The following YWHAH variants were observed in gnomAD, a reference collection of about 807,000 sequenced individuals.
YWHAH encodes tyrosine 3-monooxygenase/tryptophan 5-monooxygenase activation protein eta.
In YWHAH, 6 loss-of-function variants were observed where a neutral mutation model predicts 22.9. The ratio of observed to expected loss-of-function variants is 0.26; its 90% confidence interval spans 0.14 to 0.52. The LOEUF (loss-of-function observed/expected upper bound fraction) is 0.52. Ranked by LOEUF, YWHAH falls within the 20% of genes least tolerant of loss-of-function variation. The probability of loss-of-function intolerance (pLI) is 0.97; values close to 1 mark genes in which losing one functional copy is unlikely to be tolerated. For synonymous variants in YWHAH, 135 were observed against 124.5 expected, an observed-to-expected ratio of 1.08 and a Z score of -0.56; for missense variants, 173 against 308.6, an observed-to-expected ratio of 0.56 and a Z score of 3.29.
chr22:31,947,279 T>C (rs2093836311), intron 1 of YWHAH: 1 of 393,576 alleles, frequency 2.5e-6, no homozygotes, highest in Non-Finnish European at 5.2e-6. Context: ...ATGCCACCAG[T>C]CTGTAACCTT....
At chr22:31,954,256 GCTTT>G (rs2093846814) in intron 1 of YWHAH, among the ~76,000 whole-genome samples, 1 of 151,884 alleles carries the variant, frequency 6.6e-6, no homozygotes, top group South Asian at 2.1e-4. Flanking sequence ...TAAGTGCTTT[GCTTT>G]CTTTTTTTTC....
At chr22:31,944,956 C>A in intron 1 of YWHAH, 136 bp downstream of exon 1, 4 of 1,113,374 alleles carry the variant, frequency 3.6e-6, no homozygotes, top group Non-Finnish European at 4.4e-6. Context: ...CCCGCCCGCC[C>A]TTAGCCCGCG....
intron 1 of YWHAH, among the ~76,000 whole-genome samples, chr22:31,953,838 T>A (rs56672849): frequency 1.3e-5 from 2 of 151,532 alleles, no homozygotes; most frequent in African/African-American, 4.9e-5. Context: ...GGAGAGACTT[T>A]GCCTGTGTTA....
chr22:31,945,765 C>CCAGGTCTCAGGAGGT, intron 1 of YWHAH: 1 of 1,087,506 alleles, frequency 9.2e-7, no homozygotes, highest in Non-Finnish European at 1.2e-6. Context: ...GTACAACCTC[C>CCAGGTCTCAGGAGGT]TGAGACCTGG....
intron 1 of YWHAH, among the ~76,000 whole-genome samples, chr22:31,955,016 G>A (rs546206356): frequency 1.3e-4 from 20 of 152,282 alleles, no homozygotes; most frequent in African/African-American, 4.6e-4. Context: ...GGAGAACTAA[G>A]GGAAGTTAAA....
rs974875760 is a variant in YWHAH, at chr22:31,949,369, C to T, written c.87+4549C>T. 4.7e-4 allele frequency among the ~76,000 whole-genome samples: 71 copies of T among 152,026 alleles called. 1 individual carries two copies. The highest frequency in any genetic ancestry group is 1.7e-3 in the African/African-American group (70 of 41,382). ...ATGTTGGTCAGGCTGGTCTTGAACA[C>T]CCGACCTCAGGTTATCCACCTGCCT... On this transcript the variant is annotated intron_variant, in intron 1 of 1. Transcript: ENST00000248975.
Position 31,944,683 on chromosome 22 carries a change from G to T in YWHAH, c.-51G>T, listed in dbSNP as rs1259887031. On this transcript the variant is annotated 5_prime_UTR_variant, in exon 1 of 2. Transcript: ENST00000248975. ...GGGGAGCGGACTGACCGGCGGGAGG[G>T]CTAGCGAGCCAGCGGTGTGAGGCGC... 5 of 1,283,910 alleles carry T rather than the reference G, an allele frequency of 3.9e-6. No individual in the cohort carries two copies. The Admixed American group carries it at 1.6e-4, about 40-fold the overall frequency. 79.5% of individuals were successfully genotyped at this position (1,283,910 alleles called of 1,614,324 possible). A position where few individuals can be genotyped will look rare whatever the true frequency, so the allele number is the denominator to read the frequency against.
In YWHAH at chr22:31,956,588, C is replaced by T. The variant is rs1603056150; in HGVS notation, c.537C>T (p.Phe179=). 1 of 1,614,172 alleles carries T rather than the reference C, an allele frequency of 6.2e-7. No homozygotes were observed. The highest frequency in any genetic ancestry group is 1.3e-5 in the African/African-American group (1 of 75,058). Residue 179 remains phenylalanine, a synonymous_variant, in exon 2 of 2, where the codon TTC becomes TTT. Transcript: ENST00000248975. The surrounding 1 kb of genome is among the most constrained non-coding windows in gnomAD (Gnocchi z 5.1). ...HPIRLGLALN[F]SVFYYEIQNA... is the part of the protein sequence containing the mutation. ...TCCGGCTGGGCCTGGCCCTCAACTT[C>T]TCCGTGTTCTACTATGAGATCCAGA...
chr22:31,946,894 G>A (rs186179166), intron 1 of YWHAH, among the ~76,000 whole-genome samples: 55 of 152,268 alleles, frequency 3.6e-4, no homozygotes, highest in Admixed American at 6.5e-4. Context: ...GCCACCCAGC[G>A]TAGAAGAGTC....
chr22:31,944,744 G>T lies in YWHAH; in HGVS notation c.11G>T (p.Arg4Leu). The change falls in exon 1 of 2, where the codon CGG (arginine) becomes CTG (leucine). Residue 4 changes from arginine (R) to leucine (L), a missense_variant. By Grantham distance (102) the Arg-to-Leu change is moderately radical. Coordinates refer to ENST00000248975, the MANE Select transcript of YWHAH (RefSeq NM_003405.4). Reference protein sequence around the residue: MGDREQLLQRARLA... With the variant: MGDLEQLLQRARLA... ...CGAGCCGCGAGCGACATGGGGGACC[G>T]GGAGCAGCTGCTGCAGCGGGCGCGG... 7.1e-7 allele frequency: 1 copy of T among 1,413,570 alleles called. No homozygotes were observed. Among genetic ancestry groups the T allele is most frequent in the Non-Finnish European group, 9.3e-7 (1 of 1,077,124 alleles). 87.6% of individuals were successfully genotyped at this position (1,413,570 alleles called of 1,614,324 possible). A position where few individuals can be genotyped will look rare whatever the true frequency, so the allele number is the denominator to read the frequency against.
Position 31,956,756 on chromosome 22 carries a change from C to T in YWHAH, c.705C>T (p.Ser235=), listed in dbSNP as rs377641891. 22 of 1,609,034 alleles carry T rather than the reference C, an allele frequency of 1.4e-5. No homozygotes were observed. Among genetic ancestry groups the T allele is most frequent in the East Asian group, 1.3e-4 (6 of 44,676 alleles). Residue 235 remains serine, a synonymous_variant, in exon 2 of 2, where the codon AGC becomes AGT. Transcript: ENST00000248975. This position sits in a 1 kb window ranked among gnomAD's most constrained non-coding sequence, Gnocchi z 5.1. ...LLRDNLTLWT[S]DQQDEEAGEG... is the part of the protein sequence containing the mutation. ...GAGACAACCTCACCCTCTGGACGAG[C>T]GACCAGCAGGATGAAGAAGCAGGAG...
chr22:31,944,867 T>C, intron 1 of YWHAH, 47 bp downstream of exon 1: 7 of 1,291,144 alleles, frequency 5.4e-6, no homozygotes, highest in Non-Finnish European at 6.9e-6. Context: ...GGGCCTGGCG[T>C]TGGGGAGGGA....
At chr22:31,950,076 CTTTTTTTTTTTTTTTTTTTTTT>C (rs557406783) in intron 1 of YWHAH, among the ~76,000 whole-genome samples, 11 of 42,192 alleles carry the variant, frequency 2.6e-4, no homozygotes, top group South Asian at 1.1e-3. Context: ...GCTTGGAGGC[CTTTTTTTTTTTTTTTTTTTTTT>C]TTTTTTTTTT....
chr22:31,946,619 G>T (rs2093835138), intron 1 of YWHAH, among the ~76,000 whole-genome samples: 1 of 152,144 alleles, frequency 6.6e-6, no homozygotes, highest in African/African-American at 2.4e-5. Context: ...GGAGGTTAAG[G>T]AAAAATGGCT....
At chr22:31,951,697 T>C (rs952365194) in intron 1 of YWHAH, among the ~76,000 whole-genome samples, 6 of 152,068 alleles carry the variant, frequency 3.9e-5, no homozygotes, top group Non-Finnish European at 5.9e-5. Context: ...GGCCAGGTCA[T>C]TTTTGACATT....
intron 1 of YWHAH, chr22:31,945,686 A>G: frequency 2.5e-6 from 3 of 1,201,854 alleles, no homozygotes; most frequent in Non-Finnish European, 3.2e-6. Context: ...TCTGTAAATG[A>G]ATATTTCCTC....
chr22:31,945,808 A>G, intron 1 of YWHAH: 1 of 676,206 alleles, frequency 1.5e-6, no homozygotes, highest in South Asian at 2.7e-5. Context: ...TTAGACCTAT[A>G]CATTCAGAAA....
At chr22:31,949,291 CACCAT>C (rs2093839644) in intron 1 of YWHAH, among the ~76,000 whole-genome samples, 2 of 151,694 alleles carry the variant, frequency 1.3e-5, no homozygotes, top group Non-Finnish European at 2.9e-5. Flanking sequence ...AGGCATGCAC[CACCAT>C]GCCATGCCCG....
chr22:31,956,843 C>A lies in YWHAH; in HGVS notation c.*51C>A. On this transcript the variant is annotated 3_prime_UTR_variant, in exon 2 of 2. Coordinates refer to ENST00000248975, the MANE Select transcript of YWHAH (RefSeq NM_003405.4). This position sits in a 1 kb window ranked among gnomAD's most constrained non-coding sequence, Gnocchi z 5.1. ...CCTTCACCCACCACCCCCATCATCA[C>A]CGATTCTTCCTTGCCACAATCACTA... 1 of 1,501,958 alleles carries A rather than the reference C, an allele frequency of 6.7e-7. No homozygotes were observed. 93.0% of individuals were successfully genotyped at this position (1,501,958 alleles called of 1,614,324 possible).
Sources: gnomAD v4.1 joint callset for allele counts (sites outside exome capture counted in the v4.1 genomes callset) on GRCh38, gnomAD v4.1.1 for gene constraint, Gnocchi (gnomAD v3.1) non-coding constraint, MANE v1.5 for transcripts, NCBI Gene and HGNC (gene_info 2026-07-23, HGNC 2026-07-21) for gene names.